RTN4IP1: variants seen among roughly 807,000 people sequenced by gnomAD.
RTN4IP1 encodes the protein NAD(P)H oxidoreductase RTN4IP1, mitochondrial.
RTN4IP1 carries 32 observed loss-of-function variants against 46.6 expected under a neutral mutation model. That is an observed-to-expected ratio of 0.69 (90% CI 0.52 to 0.92). The LOEUF is 0.92. Ranked by LOEUF, RTN4IP1 falls within the 40% of genes least tolerant of loss-of-function variation. The pLI is 0.00. For synonymous variants in RTN4IP1, 167 were observed against 161.8 expected, an observed-to-expected ratio of 1.03 and a Z score of -0.24; for missense variants, 424 against 485.8, an observed-to-expected ratio of 0.87 and a Z score of 1.20.
chr6:106,582,278 A>G (rs1345297775), intron 8 of RTN4IP1, among the ~76,000 whole-genome samples: 1 of 152,192 alleles, frequency 6.6e-6, no homozygotes, highest in African/African-American at 2.4e-5. Flanking sequence ...CAGAATAAGA[A>G]AGCCCACCTC....
chr6:106,629,314 G>A lies in RTN4IP1; in HGVS notation c.-293C>T, dbSNP rs543710010. On this transcript the variant is annotated 5_prime_UTR_variant, in exon 1 of 9. Transcript: ENST00000369063. ...CACTTTAAAAAAAAAAGGGGGGGCG[G>A]GGCATTAAAAAGCAGGTGCGCAAAC... The A allele has an allele frequency of 2.1e-4, 110 of 532,366 alleles. No individual in the cohort carries two copies. The East Asian group carries it at 2.7e-3, about 13-fold the overall frequency. The allele number at this position is 532,366 out of a possible 1,614,324, so 33.0% of individuals were successfully genotyped here.
chr6:106,586,813 A>G (rs1582864039), intron 7 of RTN4IP1, among the ~76,000 whole-genome samples: 1 of 152,180 alleles, frequency 6.6e-6, no homozygotes, highest in East Asian at 1.9e-4. Flanking sequence ...TACGAGGTAA[A>G]GTAGAGAGCA....
chr6:106,622,411 G>GC (rs1293299217), intron 2 of RTN4IP1, among the ~76,000 whole-genome samples: 1 of 152,136 alleles, frequency 6.6e-6, no homozygotes, highest in Non-Finnish European at 1.5e-5. Context: ...AAAACATTTG[G>GC]CTGAAAGCAG....
chr6:106,618,316 T>G (rs574832894), intron 4 of RTN4IP1, among the ~76,000 whole-genome samples: 1 of 152,344 alleles, frequency 6.6e-6, no homozygotes, highest in African/African-American at 2.4e-5. Flanking sequence ...TTATTATAGT[T>G]TGACCTACAG....
At chr6:106,612,311 T>C (rs1180573427) in intron 4 of RTN4IP1, among the ~76,000 whole-genome samples, 1 of 136,202 alleles carries the variant, frequency 7.3e-6, no homozygotes, top group Non-Finnish European at 1.5e-5. Flanking sequence ...CGTTTGAACC[T>C]GGGAGGTGGA....
At chr6:106,589,286 GA>G (rs746946034) in intron 6 of RTN4IP1, among the ~76,000 whole-genome samples, 2,559 of 111,016 alleles carry the variant, frequency 0.023, 166 homozygotes, top group East Asian at 0.082. Flanking sequence ...AGGAGAAGAA[GA>G]AAGAGAAGAA....
Position 106,570,953 on chromosome 6 carries a change from A to G in RTN4IP1, c.*1043T>C, listed in dbSNP as rs1775042379. On this transcript the variant is annotated 3_prime_UTR_variant, in exon 9 of 9. Transcript: ENST00000369063. ...TGAGGATGAGTATATTAGGAAGTAA[A>G]AACACTTACCGTAAATGAATATTCG... The G allele has an allele frequency of 6.6e-6, 1 of 152,238 alleles. No homozygotes were observed. The highest frequency in any genetic ancestry group is 2.1e-4 in the South Asian group (1 of 4,836). 9.4% of individuals were successfully genotyped at this position (152,238 alleles called of 1,614,324 possible).
chr6:106,613,406 A>AC (rs1279620073), intron 4 of RTN4IP1, among the ~76,000 whole-genome samples: 66 of 152,334 alleles, frequency 4.3e-4, no homozygotes, highest in African/African-American at 1.6e-3. Flanking sequence ...AAAGAAAGTT[A>AC]AACAAGGTTT....
chr6:106,577,559 G>T (rs1161438088), intron 8 of RTN4IP1, among the ~76,000 whole-genome samples: 1 of 147,328 alleles, frequency 6.8e-6, no homozygotes, highest in Admixed American at 6.8e-5. Context: ...TAACCTTTTT[G>T]AAGTATTTTA....
At chr6:106,611,848 C>T (rs1776233156) in intron 4 of RTN4IP1, among the ~76,000 whole-genome samples, 1 of 152,116 alleles carries the variant, frequency 6.6e-6, no homozygotes, top group African/African-American at 2.4e-5. Flanking sequence ...CACATTTTCC[C>T]AAGAAAACAA....
chr6:106,580,875 TAAAC>T (rs1156625446), intron 8 of RTN4IP1, among the ~76,000 whole-genome samples: 1 of 151,670 alleles, frequency 6.6e-6, no homozygotes, highest in African/African-American at 2.4e-5. Flanking sequence ...AGACTGAAAT[TAAAC>T]AAATTATGGT....
At chr6:106,594,213 GA>G (rs1775728667) in intron 5 of RTN4IP1, among the ~76,000 whole-genome samples, 1 of 151,918 alleles carries the variant, frequency 6.6e-6, no homozygotes, top group South Asian at 2.1e-4. Context: ...CACAACTATA[GA>G]AAACACCTAT....
In RTN4IP1 at chr6:106,592,191, A is replaced by T. The variant is rs1298663038; in HGVS notation, c.779T>A (p.Val260Glu). Residue 260 changes from valine to glutamate, a missense_variant, in exon 6 of 9, where the codon GTG becomes GAG. By Grantham distance (121) the Val-to-Glu change is moderately radical. Transcript: ENST00000369063. ...TTTTAAGGATTTCAACTGCTCTTCC[A>T]CACTTCCAGATTTGTAATCAATTAC... ...DDVIDYKSGS[V>E]EEQLKSLKPF... 1.2e-6 allele frequency: 2 copies of T among 1,614,088 alleles called. No homozygotes were observed. Among genetic ancestry groups the T allele is most frequent in the East Asian group, 2.2e-5 (1 of 44,870 alleles).
intron 5 of RTN4IP1, among the ~76,000 whole-genome samples, chr6:106,602,645 A>T (rs2114655465): frequency 6.6e-6 from 1 of 152,248 alleles, no homozygotes; most frequent in East Asian, 1.9e-4. Flanking sequence ...ACAGTGAGCT[A>T]TGATTGTGCC....
intron 8 of RTN4IP1, among the ~76,000 whole-genome samples, chr6:106,577,323 T>G (rs902534097): frequency 2.0e-5 from 3 of 151,296 alleles, no homozygotes; most frequent in African/African-American, 7.3e-5. Context: ...CAAGAGGTAG[T>G]GCTGGGTAGT....
At chr6:106,600,298 T>C (rs1008212046) in intron 5 of RTN4IP1, among the ~76,000 whole-genome samples, 1 of 151,706 alleles carries the variant, frequency 6.6e-6, no homozygotes, top group Non-Finnish European at 1.5e-5. Context: ...TTAATCAAGC[T>C]CCCTCTTCTA....
chr6:106,622,760 G>C (rs939117937), intron 2 of RTN4IP1, 58 bp downstream of exon 2: 1 of 1,539,470 alleles, frequency 6.5e-7, no homozygotes, highest in Non-Finnish European at 8.8e-7. Context: ...CTCATCCGTC[G>C]CTGGATCAGG....
chr6:106,580,711 T>A (rs1475199958), intron 8 of RTN4IP1, among the ~76,000 whole-genome samples: 42 of 139,384 alleles, frequency 3.0e-4, no homozygotes, highest in Admixed American at 2.6e-3. Flanking sequence ...AGAGCAAGAC[T>A]CTGTCTCAAA....
intron 8 of RTN4IP1, among the ~76,000 whole-genome samples, chr6:106,577,238 C>A (rs550218086): frequency 6.6e-6 from 1 of 151,954 alleles, no homozygotes; most frequent in Non-Finnish European, 1.5e-5. Context: ...AGTTCAAGAC[C>A]AGCTTGGGCA....
Sources: allele counts gnomAD v4.1 joint callset (sites outside exome capture counted in the v4.1 genomes callset), GRCh38; gene constraint gnomAD v4.1.1; transcripts MANE v1.5; gene names NCBI Gene and HGNC (gene_info 2026-07-23, HGNC 2026-07-21).